CEP89: variants seen among roughly 807,000 people sequenced by gnomAD.
The protein encoded by CEP89 is centrosomal protein 89.
Under a neutral mutation model 97.6 loss-of-function variants are expected in CEP89, and 95 were observed. That is an observed-to-expected ratio of 0.97 (90% CI 0.82 to 1.15). The LOEUF is 1.15. Among genes scored for constraint, CEP89 ranks in the 50% most tolerant of loss-of-function variants. The pLI is 0.00. For missense variants in CEP89, 869 were observed against 947.7 expected (o/e 0.92, Z 1.09); for synonymous variants, 354 against 349.1 (o/e 1.01, Z -0.16).
intron 1 of CEP89, among the ~76,000 whole-genome samples, chr19:32,966,915 G>C (rs552635813): frequency 6.6e-6 from 1 of 152,148 alleles, no homozygotes; most frequent in Non-Finnish European, 1.5e-5. Flanking sequence ...TACGATCATA[G>C]CTCACCGCAG....
intron 14 of CEP89, among the ~76,000 whole-genome samples, chr19:32,901,988 GTC>G (rs1234966773): frequency 1.7e-5 from 2 of 115,794 alleles, no homozygotes; most frequent in Non-Finnish European, 3.7e-5. Flanking sequence ...TTATGTCTCT[GTC>G]TCTCTGTCTC....
rs368856973 is a variant in CEP89 at position 32,912,341 on chromosome 19, G to A, written c.1565+2996C>T. Among the ~76,000 whole-genome samples the A allele has an allele frequency of 7.1e-4, 108 of 152,226 alleles. No individual in the cohort carries two copies. The South Asian group carries it at 0.019, about 26-fold the overall frequency. ...TGCTGTGAAGTATTTTGTTGATGTC[G>A]TTAACATTTACAATCAGTTGACTTT... is the stretch of plus-strand genomic sequence containing the variant. On this transcript the variant is annotated intron_variant, in intron 14 of 18. Transcript: ENST00000305768.
At chr19:32,931,094 C>G (rs1447425282) in intron 9 of CEP89, 3 of 299,532 alleles carry the variant, frequency 1.0e-5, no homozygotes, top group Non-Finnish European at 1.7e-5. Context: ...CTCGCCATGT[C>G]CCCCAGGATG....
chr19:32,903,425 G>C (rs987354138), intron 14 of CEP89, among the ~76,000 whole-genome samples: 1 of 152,154 alleles, frequency 6.6e-6, no homozygotes, highest in African/African-American at 2.4e-5. Flanking sequence ...AGAAGTGAGA[G>C]AGATGATGGC....
chr19:32,942,426 T>C (rs79740805), intron 5 of CEP89, among the ~76,000 whole-genome samples: 2,415 of 152,282 alleles, frequency 0.016, 75 homozygotes, highest in African/African-American at 0.055. Flanking sequence ...GGGAGATGCA[T>C]AGGTGGACAA....
chr19:32,879,313 T>G lies in CEP89; in HGVS notation c.2201A>C (p.Glu734Ala). ...STFRENRRIRELLQDTLTRTG... is the reference protein window; with the variant it reads ...STFRENRRIRALLQDTLTRTG... Reference sequence around the variant, plus strand: ...CCTCGTGAGTGTGTCCTGGAGAAGTTCTCGGATTCTTCGGTTTTCCCTGAA... The same window carrying G: ...CCTCGTGAGTGTGTCCTGGAGAAGTGCTCGGATTCTTCGGTTTTCCCTGAA... The change falls in exon 19 of 19, where the codon GAA (glutamate) becomes GCA (alanine). Residue 734 changes from glutamate to alanine, a missense_variant. Physicochemically the swap from Glu to Ala is moderately radical, Grantham distance 107. Coordinates refer to ENST00000305768, the MANE Select transcript of CEP89 (RefSeq NM_032816.5). 6.2e-7 allele frequency: 1 copy of G among 1,614,270 alleles called. No homozygotes were observed. The highest frequency in any genetic ancestry group is 8.5e-7 in the Non-Finnish European group (1 of 1,180,054).
intron 15 of CEP89, 111 bp downstream of exon 15, chr19:32,901,134 C>T: frequency 9.8e-7 from 1 of 1,015,670 alleles, no homozygotes; most frequent in Non-Finnish European, 1.5e-6. Flanking sequence ...TGATCGCCTG[C>T]CTCAGCCTCC....
At chr19:32,907,350 T>C (rs1456891346) in intron 14 of CEP89, among the ~76,000 whole-genome samples, 1 of 152,040 alleles carries the variant, frequency 6.6e-6, no homozygotes, top group Non-Finnish European at 1.5e-5. Flanking sequence ...CAAGATGAGA[T>C]CATATCTTAA....
chr19:32,879,654 C>A (rs538003786), intron 18 of CEP89, among the ~76,000 whole-genome samples: 4 of 152,276 alleles, frequency 2.6e-5, no homozygotes, highest in Non-Finnish European at 5.9e-5. Flanking sequence ...ATTTCTCTTC[C>A]CTCTATGTTC....
chr19:32,880,919 T>C (rs1227059085), intron 18 of CEP89, among the ~76,000 whole-genome samples: 1 of 152,074 alleles, frequency 6.6e-6, no homozygotes. Context: ...AAGTTTCTCT[T>C]CCTACTAGAG....
At chr19:32,905,629 AT>A (rs1254355976) in intron 14 of CEP89, among the ~76,000 whole-genome samples, 3 of 152,162 alleles carry the variant, frequency 2.0e-5, no homozygotes, top group Non-Finnish European at 4.4e-5. Context: ...GACATAAATT[AT>A]TTCTAGGTGC....
rs908151833 is a variant in CEP89, at chr19:32,877,810, G to A, written c.*1352C>T. ...TTTGAGACAAAGTCTCGCTCTTGTT[G>A]CCCAGGCTGCCCAGGCTGGGGTATA... On this transcript the variant is annotated 3_prime_UTR_variant, in exon 19 of 19. Coordinates refer to ENST00000305768, the MANE Select transcript of CEP89 (RefSeq NM_032816.5). 1.3e-5 allele frequency: 2 copies of A among 151,456 alleles called. No homozygotes were observed. Among genetic ancestry groups the A allele is most frequent in the Admixed American group, 1.3e-4 (2 of 15,204 alleles). 9.4% of individuals were successfully genotyped at this position (151,456 alleles called of 1,614,324 possible).
Position 32,902,010 on chromosome 19 carries a change from C to CTCTGTGTGTGTGTGTG in CEP89, c.1566-599_1566-598insCACACACACACACAGA, listed in dbSNP as rs1207481256. On this transcript the variant is annotated intron_variant, in intron 14 of 18. Coordinates refer to ENST00000305768, the MANE Select transcript of CEP89 (RefSeq NM_032816.5). ...TCTGTCTCTCTGTCTCTCTCTCTCT[C>CTCTGTGTGTGTGTGTG]TGTGTGTGTGTGTGTGTGTGTGTGT... Among the ~76,000 whole-genome samples, 854 of 133,778 alleles carry CTCTGTGTGTGTGTGTG rather than the reference C, an allele frequency of 6.4e-3. 6 individuals carry two copies. The highest frequency in any genetic ancestry group is 0.01 in the African/African-American group (362 of 34,558). The allele number at this position is 133,778 out of a possible 152,430, so 87.8% of individuals were successfully genotyped here.
chr19:32,899,245 C>T (rs1351132827), intron 16 of CEP89, among the ~76,000 whole-genome samples: 1 of 151,770 alleles, frequency 6.6e-6, no homozygotes, highest in Non-Finnish European at 1.5e-5. Flanking sequence ...AACCTCCTAC[C>T]TGAGTTTCCT....
intron 9 of CEP89, among the ~76,000 whole-genome samples, chr19:32,930,764 G>A (rs952768905): frequency 6.6e-6 from 1 of 152,194 alleles, no homozygotes; most frequent in Non-Finnish European, 1.5e-5. Context: ...CTCTGCAACT[G>A]TTCTTAGAAC....
At chr19:32,952,428 C>A (rs2145956893) in intron 4 of CEP89, among the ~76,000 whole-genome samples, 1 of 151,152 alleles carries the variant, frequency 6.6e-6, no homozygotes, top group African/African-American at 2.4e-5. Flanking sequence ...CTATAATGAG[C>A]TAGGATCGTG....
intron 3 of CEP89, among the ~76,000 whole-genome samples, chr19:32,958,112 T>C (rs983122200): frequency 6.6e-6 from 1 of 151,532 alleles, no homozygotes; most frequent in Non-Finnish European, 1.5e-5. Flanking sequence ...TTTTTTCCAC[T>C]GAATTTTAGA....
At chr19:32,966,735 C>T (rs1239320796) in intron 1 of CEP89, among the ~76,000 whole-genome samples, 1 of 152,142 alleles carries the variant, frequency 6.6e-6, no homozygotes, top group African/African-American at 2.4e-5. Flanking sequence ...CAAGAGTCAC[C>T]CTCTAGCTCT....
At chr19:32,907,607 A>G (rs1299160265) in intron 14 of CEP89, among the ~76,000 whole-genome samples, 2 of 152,110 alleles carry the variant, frequency 1.3e-5, no homozygotes, top group African/African-American at 4.8e-5. Context: ...ATGTGCCAAC[A>G]CACCTGGCTA....
Sources: gnomAD v4.1 joint callset for allele counts (sites outside exome capture counted in the v4.1 genomes callset) on GRCh38, gnomAD v4.1.1 for gene constraint, MANE v1.5 for transcripts, NCBI Gene and HGNC (gene_info 2026-07-23, HGNC 2026-07-21) for gene names.